PRDM15: variants seen among roughly 807,000 people sequenced by gnomAD.
PRDM15 encodes PR/SET domain 15, also known as PR domain zinc finger protein 15.
PRDM15 carries 64 observed loss-of-function variants against 128.6 expected under a neutral mutation model. The observed-to-expected ratio is 0.50, with a 90% confidence interval of 0.41 to 0.61. The LOEUF (loss-of-function observed/expected upper bound fraction) is 0.61, where lower values mean the gene tolerates loss of function less well. Ranked by LOEUF, PRDM15 falls within the 20% of genes least tolerant of loss-of-function variation. The pLI is 0.00. For missense variants in PRDM15, 1,242 were observed against 1,569.1 expected, an observed-to-expected ratio of 0.79 and a Z score of 3.52; for synonymous variants, 615 against 621.8, an observed-to-expected ratio of 0.99 and a Z score of 0.16.
chr21:41,835,410 G>T (rs370723572), intron 11 of PRDM15, 27 bp downstream of exon 11: 3 of 1,583,978 alleles, frequency 1.9e-6, no homozygotes, highest in Non-Finnish European at 8.6e-7. Context: ...CACAGCGGCC[G>T]AGGGGAGACG....
intron 12 of PRDM15, among the ~76,000 whole-genome samples, chr21:41,826,386 T>C (rs77755937): frequency 0.02 from 3,014 of 152,292 alleles, 103 homozygotes; most frequent in African/African-American, 0.069. Context: ...TGAGCTCCTA[T>C]GGAAGAAGGC....
rs1421566945 is a variant in PRDM15, at chr21:41,859,219, A to C, written c.131+373T>G. 6.2e-7 allele frequency: 1 copy of C among 1,613,738 alleles called. No individual in the cohort carries two copies. The highest frequency in any genetic ancestry group is 1.1e-5 in the South Asian group (1 of 91,044). On this transcript the variant is annotated intron_variant, in intron 3 of 23. Coordinates refer to ENST00000398548, the MANE Select transcript of PRDM15 (RefSeq NM_001040424.3). The surrounding 1 kb of genome is among the most constrained non-coding windows in gnomAD (Gnocchi z 5.3). ...CCTGGGTGTGCACGTGTCCGCTGGC[A>C]GGCCAAGACCTGGAATGCAGAGAGA... is the stretch of plus-strand genomic sequence containing the variant.
chr21:41,868,538 G>T (rs2064095605), intron 1 of PRDM15, among the ~76,000 whole-genome samples: 1 of 152,060 alleles, frequency 6.6e-6, no homozygotes, highest in East Asian at 1.9e-4. Flanking sequence ...TGGCAGATGT[G>T]AAGTGGTGTC....
intron 11 of PRDM15, among the ~76,000 whole-genome samples, chr21:41,833,127 G>A (rs1011062944): frequency 3.3e-5 from 5 of 152,188 alleles, no homozygotes; most frequent in African/African-American, 1.2e-4. Context: ...AGGCTGGTGG[G>A]CCGCATTTTG....
At chr21:41,846,558 G>A (rs953329013) in intron 6 of PRDM15, among the ~76,000 whole-genome samples, 16 of 152,310 alleles carry the variant, frequency 1.1e-4, no homozygotes, top group African/African-American at 2.9e-4. Flanking sequence ...TTTGCTGGGC[G>A]TGGTGGCACA....
intron 5 of PRDM15, among the ~76,000 whole-genome samples, chr21:41,852,065 C>T (rs923167570): frequency 6.6e-6 from 1 of 152,196 alleles, no homozygotes; most frequent in Non-Finnish European, 1.5e-5. Flanking sequence ...CGACTCTGTT[C>T]GACACCACAG....
chr21:41,820,919 C>G (rs916885669), intron 16 of PRDM15, 148 bp downstream of exon 16: 2 of 1,008,738 alleles, frequency 2.0e-6, no homozygotes, highest in Non-Finnish European at 3.0e-6. Flanking sequence ...TGCCCCCGAG[C>G]CCTGCTGCGC....
In PRDM15 at chr21:41,810,586, C is replaced by T. The variant is rs530994346; in HGVS notation, c.2476+167G>A. On this transcript the variant is annotated intron_variant, in intron 20 of 23. Transcript: ENST00000398548. This position sits in a 1 kb window ranked among gnomAD's most constrained non-coding sequence, Gnocchi z 6.4. ...AAGAAGGGATACTTGAAAGCTGTGG[C>T]GGGTTGACCTTCAGAGGCCAAGGGG... 1.7e-5 allele frequency: 11 copies of T among 645,676 alleles called. No homozygotes were observed. The highest frequency in any genetic ancestry group is 7.3e-5 in the African/African-American group (4 of 54,946). The allele number at this position is 645,676 out of a possible 1,614,324, so 40.0% of individuals were successfully genotyped here. A position where few individuals can be genotyped will look rare whatever the true frequency, so the allele number is the denominator to read the frequency against.
rs2064538802 is a variant in PRDM15 at position 41,879,037 on chromosome 21, C to T, written c.-10+233G>A. On this transcript the variant is annotated intron_variant, in intron 1 of 23. Transcript: ENST00000398548. The surrounding 1 kb of genome is among the most constrained non-coding windows in gnomAD (Gnocchi z 5.1). The stretch of plus-strand genomic sequence containing the variant: ...GCGCAGGGCGATCCCGGAGCGGCTC[C>T]GGGAAATCCAGCCGGGTTTTGACTC... The T allele has an allele frequency of 1.8e-6, 2 of 1,114,596 alleles. No individual in the cohort carries two copies. The highest frequency in any genetic ancestry group is 3.7e-5 in the Admixed American group (1 of 26,860). The allele number at this position is 1,114,596 out of a possible 1,614,324, so 69.0% of individuals were successfully genotyped here. A position where few individuals can be genotyped will look rare whatever the true frequency, so the allele number is the denominator to read the frequency against.
intron 10 of PRDM15, 51 bp downstream of exon 10, chr21:41,836,062 C>T: frequency 7.8e-7 from 1 of 1,289,110 alleles, no homozygotes; most frequent in Non-Finnish European, 1.1e-6. Flanking sequence ...GGTCAGTTGT[C>T]TGTGTTGTCC....
Position 41,854,266 on chromosome 21 carries a change from C to T in PRDM15, c.538+300G>A, listed in dbSNP as rs957080417. 1.3e-5 allele frequency among the ~76,000 whole-genome samples: 2 copies of T among 152,182 alleles called. No individual in the cohort carries two copies. The highest frequency in any genetic ancestry group is 2.9e-5 in the Non-Finnish European group (2 of 68,030). On this transcript the variant is annotated intron_variant, in intron 5 of 23. Transcript: ENST00000398548. The surrounding 1 kb of genome is among the most constrained non-coding windows in gnomAD (Gnocchi z 4.6). ...CCATCAAGGTGCGCGAGAGTGCGCT[C>T]TACCATGCACTCATGACAATGCCAT...
At chr21:41,837,345 T>C (rs77838091) in intron 8 of PRDM15, among the ~76,000 whole-genome samples, 2,789 of 152,208 alleles carry the variant, frequency 0.018, 87 homozygotes, top group African/African-American at 0.064. Flanking sequence ...ACACAAAATA[T>C]GGGGCATATG....
At chr21:41,871,573 A>G (rs745349142) in intron 1 of PRDM15, 1 of 1,612,272 alleles carries the variant, frequency 6.2e-7, no homozygotes, top group South Asian at 1.1e-5. Context: ...CATTCCCTAG[A>G]GATGTTTCCA....
At chr21:41,816,942 A>C (rs1282133364) in intron 18 of PRDM15, among the ~76,000 whole-genome samples, 2 of 151,902 alleles carry the variant, frequency 1.3e-5, no homozygotes, top group African/African-American at 2.4e-5. Context: ...CCCAGACCCC[A>C]GCACTTCCCT....
In PRDM15 at chr21:41,847,646, C is replaced by T. The variant is rs910574569; in HGVS notation, c.539-455G>A. 2.6e-5 allele frequency among the ~76,000 whole-genome samples: 4 copies of T among 152,328 alleles called. No individual in the cohort carries two copies. The South Asian group carries it at 8.3e-4, about 32-fold the overall frequency. ...CCGTGTGTGGCTGGGCTGCTGCTCC[C>T]GCCCAGCGCTATCCGGCAGAGCTTT... is the stretch of plus-strand genomic sequence containing the variant. On this transcript the variant is annotated intron_variant, in intron 5 of 23. Coordinates refer to ENST00000398548, the MANE Select transcript of PRDM15 (RefSeq NM_001040424.3).
chr21:41,861,520 A>C, intron 1 of PRDM15: 2 of 1,494,772 alleles, frequency 1.3e-6, no homozygotes, highest in Non-Finnish European at 1.8e-6. Context: ...CCACCAAATG[A>C]TTATTCCTCC....
chr21:41,878,623 C>T, intron 1 of PRDM15: 1 of 940,328 alleles, frequency 1.1e-6, no homozygotes, highest in Non-Finnish European at 1.5e-6. Flanking sequence ...TGTCCATCCA[C>T]CTCGCTACCT....
intron 5 of PRDM15, among the ~76,000 whole-genome samples, chr21:41,853,789 G>A (rs115126152): frequency 0.016 from 2,407 of 152,180 alleles, 19 homozygotes; most frequent in South Asian, 0.041. Flanking sequence ...GTATGCACAC[G>A]CGCGCACACA....
At chr21:41,838,098 C>T (rs2062956137) in intron 7 of PRDM15, 35 bp from the exon 8 acceptor site, 2 of 1,610,012 alleles carry the variant, frequency 1.2e-6, no homozygotes, top group African/African-American at 1.3e-5. Context: ...TAAGTAACCA[C>T]AAGAGCAGGG....
Sources: gnomAD v4.1 joint callset for allele counts (sites outside exome capture counted in the v4.1 genomes callset) on GRCh38, gnomAD v4.1.1 for gene constraint, Gnocchi (gnomAD v3.1) non-coding constraint, MANE v1.5 for transcripts, NCBI Gene and HGNC (gene_info 2026-07-23, HGNC 2026-07-21) for gene names.